The following MEX3C variants were observed in gnomAD, a reference collection of about 807,000 sequenced individuals.
MEX3C encodes mex-3 RNA binding family member C.
In MEX3C, 15 loss-of-function variants were observed where a neutral mutation model predicts 35.5. That is an observed-to-expected ratio of 0.42 (90% CI 0.28 to 0.65). The LOEUF is 0.65. Among genes scored for constraint, MEX3C ranks in the 30% least tolerant of loss-of-function variants. MEX3C has a pLI of 0.20. For synonymous variants in MEX3C, 390 were observed against 352.8 expected, an observed-to-expected ratio of 1.11 and a Z score of -1.18; for missense variants, 711 against 842.8, an observed-to-expected ratio of 0.84 and a Z score of 1.94.
chr18:51,191,640 G>T (rs575731251), intron 1 of MEX3C, among the ~76,000 whole-genome samples: 3 of 152,314 alleles, frequency 2.0e-5, no homozygotes, highest in African/African-American at 7.2e-5. Context: ...TGATTAAACG[G>T]TGGTTCCAAA....
intron 1 of MEX3C, among the ~76,000 whole-genome samples, chr18:51,182,274 GAAGGCATCCCTGTTGGATAA>G (rs371165798): frequency 0.02 from 3,001 of 151,700 alleles, 49 homozygotes; most frequent in Admixed American, 0.034. Flanking sequence ...AAGGTCTTGG[GAAGGCATCCCTGTTGGATAA>G]GGGGGGGACT....
chr18:51,180,102 A>C (rs1912392172), intron 1 of MEX3C, among the ~76,000 whole-genome samples: 1 of 152,152 alleles, frequency 6.6e-6, no homozygotes, highest in Non-Finnish European at 1.5e-5. Flanking sequence ...ATAAAAGAAA[A>C]AAAAGGAAAA....
Position 51,196,801 on chromosome 18 carries a change from C to A in MEX3C, c.520G>T (p.Ala174Ser). The A allele has an allele frequency of 2.0e-6, 3 of 1,531,554 alleles. No homozygotes were observed. The highest frequency in any genetic ancestry group is 2.4e-5 in the South Asian group (2 of 83,602). 94.9% of individuals were successfully genotyped at this position (1,531,554 alleles called of 1,614,324 possible). ...GCCGCCGCGGCCGCCGCCTCCCGGG[C>A]ATCGAACCTGGCGGCTGGCAGCAGC... ...SVLLPAARFD[A>S]REAAAAAAAA... Residue 174 changes from alanine (A) to serine (S), a missense_variant, in exon 1 of 2, where the codon GCC (alanine) becomes TCC (serine). Ala to Ser is a moderately conservative substitution (Grantham distance 99). This residue lies in a region of MEX3C where 354 missense variants were observed against 311.6 expected (regional missense o/e 1.14). Coordinates refer to ENST00000406189, the MANE Select transcript of MEX3C (RefSeq NM_016626.5).
intron 1 of MEX3C, among the ~76,000 whole-genome samples, chr18:51,192,068 C>T (rs953474872): frequency 3.3e-5 from 5 of 152,200 alleles, no homozygotes; most frequent in Middle Eastern, 3.4e-3. Context: ...TAAAAACTTA[C>T]GCTGTAAAGA....
rs78005485 is a variant in MEX3C, at chr18:51,185,704, G to A, written c.755-8128C>T. 6.9e-4 allele frequency among the ~76,000 whole-genome samples: 105 copies of A among 152,198 alleles called. 2 individuals are homozygous for A. The East Asian group carries it at 0.017, about 25-fold the overall frequency. On this transcript the variant is annotated intron_variant, in intron 1 of 1. Coordinates refer to ENST00000406189, the MANE Select transcript of MEX3C (RefSeq NM_016626.5). ...AGGCCAGGGCAGCGAATAGACATAA[G>A]GTAGGGTCAGGAAAGGTTTGAGGAA...
At chr18:51,185,390 G>C (rs555836459) in intron 1 of MEX3C, among the ~76,000 whole-genome samples, 1 of 152,090 alleles carries the variant, frequency 6.6e-6, no homozygotes, top group Non-Finnish European at 1.5e-5. Flanking sequence ...AACTGGGAAA[G>C]GTTTTCTGCT....
chr18:51,186,592 A>T (rs1256196110), intron 1 of MEX3C, among the ~76,000 whole-genome samples: 2 of 152,148 alleles, frequency 1.3e-5, no homozygotes, highest in Non-Finnish European at 2.9e-5. Context: ...TAGTAGAAAA[A>T]ACTGGAGATA....
intron 1 of MEX3C, among the ~76,000 whole-genome samples, chr18:51,191,886 C>T (rs1375173922): frequency 6.6e-6 from 1 of 152,108 alleles, no homozygotes; most frequent in Non-Finnish European, 1.5e-5. Flanking sequence ...CACAGCTGAA[C>T]AGAGACTGTC....
chr18:51,190,684 C>A (rs1339826228), intron 1 of MEX3C, among the ~76,000 whole-genome samples: 1 of 118,632 alleles, frequency 8.4e-6, no homozygotes, highest in Non-Finnish European at 1.9e-5. Context: ...GTTAGTGTAA[C>A]TTAAAATTCT....
chr18:51,181,504 C>T (rs537055128), intron 1 of MEX3C, among the ~76,000 whole-genome samples: 112 of 22,820 alleles, frequency 4.9e-3, no homozygotes, highest in African/African-American at 7.0e-3. Context: ...AACCTTACAA[C>T]AATGCTAGTA....
chr18:51,195,425 T>G (rs561579566), intron 1 of MEX3C: 4 of 152,286 alleles, frequency 2.6e-5, no homozygotes, highest in African/African-American at 9.6e-5. Context: ...AGGAAAGAAA[T>G]AAGCCAAGTC....
At chr18:51,193,196 A>AC (rs1555694083) in intron 1 of MEX3C, 1 of 148,834 alleles carries the variant, frequency 6.7e-6, no homozygotes, top group African/African-American at 2.6e-5. Flanking sequence ...GAGTATGCAC[A>AC]TTTTTTTTGG....
In MEX3C at chr18:51,196,673, G is replaced by T. The variant is rs765557320; in HGVS notation, c.648C>A (p.Ala216=). 18 of 1,550,128 alleles carry T rather than the reference G, an allele frequency of 1.2e-5. No homozygotes were observed. In the Admixed American group the frequency reaches 3.4e-4, roughly 30 times the overall value. ...GCAGGGCCGCCTGCTCCCCGTTCAG[G>T]GCGGCCGCCGCCGCCCCACAACCGC... ...GPGGCGAAAA[A]LNGEQAALLR... Residue 216 remains alanine (A), a synonymous_variant, in exon 1 of 2, where the codon GCC becomes GCA. Coordinates refer to ENST00000406189, the MANE Select transcript of MEX3C (RefSeq NM_016626.5).
chr18:51,190,256 T>C (rs1012205776), intron 1 of MEX3C, among the ~76,000 whole-genome samples: 13 of 152,136 alleles, frequency 8.5e-5, no homozygotes, highest in Non-Finnish European at 1.2e-4. Flanking sequence ...CTTTCCTGCA[T>C]TATACTAAAT....
chr18:51,182,573 C>T (rs893323493), intron 1 of MEX3C, among the ~76,000 whole-genome samples: 8 of 152,190 alleles, frequency 5.3e-5, no homozygotes, highest in African/African-American at 1.9e-4. Context: ...TTTCCTACAT[C>T]ACTGTTGCTG....
Position 51,196,969 on chromosome 18 carries a change from C to A in MEX3C, c.352G>T (p.Ala118Ser). Residue 118 changes from alanine (A) to serine (S), a missense_variant, in exon 1 of 2, where the codon GCG becomes TCG. Ala to Ser is a moderately conservative substitution (Grantham distance 99). Coordinates refer to ENST00000406189, the MANE Select transcript of MEX3C (RefSeq NM_016626.5). ...TCCAGCAGGTCTCCGTCCAGCTCCG[C>A]TTCCTCCCCCTCCTCCTCGTCCTCT... ...LEEDEEEGEE[A>S]ELDGDLLEEE... The A allele has an allele frequency of 6.5e-7, 1 of 1,541,674 alleles. No individual in the cohort carries two copies.
At chr18:51,189,649 G>A (rs1439631065) in intron 1 of MEX3C, among the ~76,000 whole-genome samples, 1 of 152,132 alleles carries the variant, frequency 6.6e-6, no homozygotes, top group Non-Finnish European at 1.5e-5. Context: ...AACCAGAAGA[G>A]GGTGTAAATT....
At chr18:51,188,597 C>CA (rs34117820) in intron 1 of MEX3C, among the ~76,000 whole-genome samples, 2,068 of 135,978 alleles carry the variant, frequency 0.015, 46 homozygotes, top group African/African-American at 0.053. Flanking sequence ...GACCCTGTCT[C>CA]AAAAAAAAAA....
At chr18:51,184,852 C>G (rs375114972) in intron 1 of MEX3C, among the ~76,000 whole-genome samples, 2 of 145,572 alleles carry the variant, frequency 1.4e-5, no homozygotes, top group African/African-American at 2.5e-5. Flanking sequence ...GAGTGAGACC[C>G]TGACCCAAAG....
Sources: allele counts gnomAD v4.1 joint callset (sites outside exome capture counted in the v4.1 genomes callset), GRCh38; gene constraint gnomAD v4.1.1; regional missense constraint gnomAD v4.1.1; transcripts MANE v1.5; gene names NCBI Gene and HGNC (gene_info 2026-07-23, HGNC 2026-07-21).